FAM135B: variants seen among roughly 807,000 people sequenced by gnomAD.
FAM135B encodes the protein family with sequence similarity 135 member B, also known as protein FAM135B.
FAM135B carries 43 observed loss-of-function variants against 127.7 expected under a neutral mutation model. The ratio of observed to expected loss-of-function variants is 0.34; its 90% CI spans 0.26 to 0.43. The LOEUF is 0.43. Ranked by LOEUF, FAM135B falls within the 20% of genes least tolerant of loss-of-function variation. FAM135B has a pLI of 1.00. For missense variants in FAM135B, 1,558 were observed against 1,725.6 expected, an observed-to-expected ratio of 0.90 and a Z score of 1.72; for synonymous variants, 670 against 665.1, an observed-to-expected ratio of 1.01 and a Z score of -0.11.
chr8:138,367,722 G>A (rs1041119186), intron 2 of FAM135B, among the ~76,000 whole-genome samples, 185 bp downstream of exon 2: 4 of 151,942 alleles, frequency 2.6e-5, no homozygotes, highest in African/African-American at 4.8e-5. Context: ...GTCAATATGT[G>A]GTTTATTTTC....
intron 9 of FAM135B, among the ~76,000 whole-genome samples, chr8:138,180,446 T>C (rs111858099): frequency 4.6e-5 from 7 of 152,212 alleles, no homozygotes; most frequent in African/African-American, 1.7e-4. Flanking sequence ...TTTCTCTTCG[T>C]TGCCCTGTGC....
chr8:138,151,905 G>A lies in FAM135B; in HGVS notation c.2570C>T (p.Ala857Val), dbSNP rs2130747778. 1 of 1,613,996 alleles carries A rather than the reference G, an allele frequency of 6.2e-7. No individual in the cohort carries two copies. The highest frequency in any genetic ancestry group is 1.3e-5 in the African/African-American group (1 of 75,020). ...GCCATCAGGAAGACAGTGTCCTTGA[G>A]CATCAAACTGCTTCCCTTTCCCTTT... The part of the protein sequence containing the change: ...IPKGKGKQFD[A>V]QGHCLPDGRT... Residue 857 changes from alanine (A) to valine (V), a missense_variant, in exon 13 of 20, where the codon GCT (alanine) becomes GTT (valine). Physicochemically the swap from Ala to Val is moderately conservative, Grantham distance 64. Transcript: ENST00000395297.
intron 3 of FAM135B, among the ~76,000 whole-genome samples, chr8:138,291,511 A>G (rs542666455): frequency 5.9e-5 from 9 of 152,300 alleles, no homozygotes; most frequent in African/African-American, 2.2e-4. Flanking sequence ...ATAGACCAAT[A>G]TATCTGATGA....
intron 2 of FAM135B, among the ~76,000 whole-genome samples, chr8:138,360,272 T>A (rs1567685): frequency 6.6e-6 from 1 of 152,226 alleles, no homozygotes; most frequent in African/African-American, 2.4e-5. Flanking sequence ...TTCATGCTCT[T>A]GTAAATAGAT....
At chr8:138,325,759 G>T (rs1365106731) in intron 2 of FAM135B, among the ~76,000 whole-genome samples, 1 of 152,102 alleles carries the variant, frequency 6.6e-6, no homozygotes, top group Non-Finnish European at 1.5e-5. Context: ...CAAGTGAACA[G>T]CATTGGCAAC....
intron 1 of FAM135B, among the ~76,000 whole-genome samples, chr8:138,472,803 T>C (rs1293019746): frequency 1.3e-5 from 2 of 152,164 alleles, no homozygotes; most frequent in Non-Finnish European, 2.9e-5. Context: ...GACTCAAGAC[T>C]GAGCGCTAGT....
chr8:138,249,636 A>C (rs1218131472), intron 6 of FAM135B, among the ~76,000 whole-genome samples: 1 of 152,158 alleles, frequency 6.6e-6, no homozygotes, highest in African/African-American at 2.4e-5. Flanking sequence ...GTCACGTGGC[A>C]TGGGTCAGAT....
At chr8:138,376,328 T>A (rs1010465385) in intron 1 of FAM135B, among the ~76,000 whole-genome samples, 2 of 152,126 alleles carry the variant, frequency 1.3e-5, no homozygotes, top group Admixed American at 1.3e-4. Context: ...TTCAACTTCT[T>A]ATCTCCGCCT....
At chr8:138,425,017 A>G (rs1323998757) in intron 1 of FAM135B, among the ~76,000 whole-genome samples, 1 of 152,202 alleles carries the variant, frequency 6.6e-6, no homozygotes, top group Non-Finnish European at 1.5e-5. Flanking sequence ...TCACTTCAGA[A>G]TATGTCTGTC....
chr8:138,148,472 GT>G (rs769443561), intron 14 of FAM135B, 47 bp downstream of exon 14: 1 of 1,465,602 alleles, frequency 6.8e-7, no homozygotes, highest in Non-Finnish European at 9.5e-7. Context: ...AATATTATAA[GT>G]TGTATATATG....
At chr8:138,281,710 TC>T (rs576970547) in intron 3 of FAM135B, among the ~76,000 whole-genome samples, 37 of 152,166 alleles carry the variant, frequency 2.4e-4, no homozygotes, top group Non-Finnish European at 4.9e-4. Flanking sequence ...GGCATGCCTT[TC>T]CCCACTCCAA....
At chr8:138,402,880 T>C (rs1462078577) in intron 1 of FAM135B, among the ~76,000 whole-genome samples, 1 of 152,160 alleles carries the variant, frequency 6.6e-6, no homozygotes, top group Non-Finnish European at 1.5e-5. Flanking sequence ...AGGTGGAGTT[T>C]TGGGGAGGCC....
intron 4 of FAM135B, among the ~76,000 whole-genome samples, chr8:138,259,886 G>A (rs1446163074): frequency 1.3e-5 from 2 of 152,138 alleles, no homozygotes; most frequent in Non-Finnish European, 2.9e-5. Flanking sequence ...CAATCAGGCT[G>A]GTGGGAAAAA....
chr8:138,256,152 C>CAGGGGACAGCTCAGCCT (rs1822075694), intron 5 of FAM135B, among the ~76,000 whole-genome samples: 1 of 152,052 alleles, frequency 6.6e-6, no homozygotes, highest in Non-Finnish European at 1.5e-5. Flanking sequence ...CAGCTCAGCC[C>CAGGGGACAGCTCAGCCT]AGGGTAGGAA....
chr8:138,285,505 T>C (rs1824608202), intron 3 of FAM135B, among the ~76,000 whole-genome samples: 1 of 152,184 alleles, frequency 6.6e-6, no homozygotes, highest in Non-Finnish European at 1.5e-5. Flanking sequence ...GCGACAGAGA[T>C]ACCTTTCTCT....
At chr8:138,462,533 C>T (rs2131621202) in intron 1 of FAM135B, among the ~76,000 whole-genome samples, 1 of 152,174 alleles carries the variant, frequency 6.6e-6, no homozygotes, top group South Asian at 2.1e-4. Context: ...GTGTGCAGGT[C>T]CTAGAATGCT....
chr8:138,166,947 G>A (rs1819985490), intron 12 of FAM135B, among the ~76,000 whole-genome samples: 1 of 151,966 alleles, frequency 6.6e-6, no homozygotes, highest in Non-Finnish European at 1.5e-5. Context: ...TCAGCCTGGA[G>A]AAGATACCAT....
At chr8:138,341,435 A>C (rs777077232) in intron 2 of FAM135B, among the ~76,000 whole-genome samples, 48 of 152,186 alleles carry the variant, frequency 3.2e-4, no homozygotes, top group Non-Finnish European at 4.7e-4. Context: ...GGTTAGTTAA[A>C]ATAGTTAGTG....
At chr8:138,383,159 C>T (rs1234018366) in intron 1 of FAM135B, among the ~76,000 whole-genome samples, 2 of 152,234 alleles carry the variant, frequency 1.3e-5, no homozygotes, top group Non-Finnish European at 2.9e-5. Flanking sequence ...TCTCCTCCAG[C>T]TCCTCAGATG....
Sources: gnomAD v4.1 joint callset for allele counts (sites outside exome capture counted in the v4.1 genomes callset) on GRCh38, gnomAD v4.1.1 for gene constraint, MANE v1.5 for transcripts, NCBI Gene and HGNC (gene_info 2026-07-23, HGNC 2026-07-21) for gene names.